The following STXBP3 variants were observed in gnomAD, a reference collection of about 807,000 sequenced individuals.
STXBP3 encodes syntaxin-binding protein 3.
STXBP3 carries 41 observed loss-of-function variants against 85.7 expected under a neutral mutation model. That is an observed-to-expected ratio of 0.48 (90% CI 0.37 to 0.62). The LOEUF (loss-of-function observed/expected upper bound fraction) is 0.62. STXBP3 is among the 20% of genes least tolerant of loss of function. The pLI, the probability that STXBP3 is intolerant of heterozygous loss-of-function variation, is 0.00. For synonymous variants in STXBP3, 229 were observed against 231.7 expected (o/e 0.99, Z 0.10); for missense variants, 563 against 703.1 (o/e 0.80, Z 2.25).
intron 1 of STXBP3, 109 bp downstream of exon 1, chr1:108,746,895 C>G (rs1298411377): frequency 2.1e-5 from 24 of 1,139,780 alleles, no homozygotes; most frequent in Non-Finnish European, 1.0e-5. Context: ...GCCGCGAGCA[C>G]TTGTTGCTTT....
chr1:108,787,495 A>G (rs572369669), intron 11 of STXBP3, among the ~76,000 whole-genome samples: 2 of 152,172 alleles, frequency 1.3e-5, no homozygotes, highest in Admixed American at 1.3e-4. Context: ...ACAAAACAGA[A>G]CAACAACAAC....
At chr1:108,793,413 G>A (rs888792284) in intron 11 of STXBP3, among the ~76,000 whole-genome samples, 169 bp from the exon 12 acceptor site, 10 of 151,802 alleles carry the variant, frequency 6.6e-5, no homozygotes, top group African/African-American at 1.7e-4. Flanking sequence ...TATCAGCTAC[G>A]TTATTGTGAG....
Position 108,753,147 on chromosome 1 carries a change from A to G in STXBP3, c.181+3A>G. 1 of 1,571,194 alleles carries G rather than the reference A, an allele frequency of 6.4e-7. No homozygotes were observed. The highest frequency in any genetic ancestry group is 8.6e-7 in the Non-Finnish European group (1 of 1,161,290). ...TCTTCTAGAAGAAGGTATTACTGGT[A>G]AGTGTTATTCTTGGCATGAACACTT... On this transcript the variant is annotated splice_donor_region_variant and intron_variant, in intron 3 of 18. Coordinates refer to ENST00000370008, the MANE Select transcript of STXBP3 (RefSeq NM_007269.4).
chr1:108,771,460 A>G lies in STXBP3; in HGVS notation c.439-1205A>G, dbSNP rs1410719647. ...TATATATCTATATATATCATATATA[A>G]ATATATATGATATATATCTATATAT... is the stretch of plus-strand genomic sequence containing the variant. On this transcript the variant is annotated intron_variant, in intron 6 of 18. Transcript: ENST00000370008. 1.1e-4 allele frequency among the ~76,000 whole-genome samples: 9 copies of G among 79,450 alleles called. 1 individual carries two copies. Among genetic ancestry groups the G allele is most frequent in the African/African-American group, 4.1e-4 (8 of 19,672 alleles). 52.1% of individuals were successfully genotyped at this position (79,450 alleles called of 152,430 possible). A position where few individuals can be genotyped will look rare whatever the true frequency, so the allele number is the denominator to read the frequency against.
At chr1:108,791,334 G>A (rs922825034) in intron 11 of STXBP3, among the ~76,000 whole-genome samples, 15 of 152,214 alleles carry the variant, frequency 9.9e-5, no homozygotes, top group African/African-American at 3.6e-4. Context: ...TGGTTTGCTT[G>A]CTATTTATCC....
rs774995102 is a variant in STXBP3, at chr1:108,772,806, G to A, written c.580G>A (p.Val194Ile). The A allele has an allele frequency of 2.6e-5, 41 of 1,595,690 alleles. No homozygotes were observed. The highest frequency in any genetic ancestry group is 1.7e-4 in the Middle Eastern group (1 of 6,004). Residue 194 changes from valine (V) to isoleucine (I), a missense_variant, in exon 7 of 19, where the codon GTA (valine) becomes ATA (isoleucine). By Grantham distance (29) the Val-to-Ile change is conservative. Transcript: ENST00000370008. Reference protein sequence around the residue: ...VCATLDENPGVRYKSKPLDNA... With the variant: ...VCATLDENPGIRYKSKPLDNA... ...TGCCACCTTGGATGAAAATCCCGGA[G>A]TAAGATATAAAAGGTAAGACACTGA... is the stretch of plus-strand genomic sequence containing the variant.
At chr1:108,797,565 G>A (rs942731054) in intron 15 of STXBP3, among the ~76,000 whole-genome samples, 2 of 150,506 alleles carry the variant, frequency 1.3e-5, no homozygotes, top group African/African-American at 4.9e-5. Flanking sequence ...CCTGCCATCC[G>A]CCCAGCTAAT....
chr1:108,773,441 T>C (rs184024498), intron 7 of STXBP3, among the ~76,000 whole-genome samples: 1 of 152,322 alleles, frequency 6.6e-6, no homozygotes, highest in African/African-American at 2.4e-5. Flanking sequence ...TTATGTAATG[T>C]CACCAAACTT....
At position 108,752,221 on chromosome 1, in the gene STXBP3, T is replaced by C. The variant is rs374082889; in HGVS notation, c.50-36T>C. 85 of 1,587,628 alleles carry C rather than the reference T, an allele frequency of 5.4e-5. No homozygotes were observed. The African/African-American group carries it at 9.6e-4, about 18-fold the overall frequency. On this transcript the variant is annotated intron_variant, in intron 1 of 18. Coordinates refer to ENST00000370008, the MANE Select transcript of STXBP3 (RefSeq NM_007269.4). ...CTTTGGATTACTATGTTTCTGTTTA[T>C]TTAATTCCTAAGTAATTCCTTTCTT...
At chr1:108,773,667 TAC>T (rs1374669165) in intron 7 of STXBP3, among the ~76,000 whole-genome samples, 1 of 151,948 alleles carries the variant, frequency 6.6e-6, no homozygotes, top group African/African-American at 2.4e-5. Context: ...CAGGGCACAC[TAC>T]ACACACATCC....
chr1:108,781,325 T>C (rs1299653722), intron 9 of STXBP3: 1 of 152,182 alleles, frequency 6.6e-6, no homozygotes, highest in Non-Finnish European at 1.5e-5. Context: ...TTATTTGTAG[T>C]TCAGAGCTAG....
At chr1:108,768,260 CAGGTTTTGTT>C (rs1264140674) in intron 6 of STXBP3, among the ~76,000 whole-genome samples, 1 of 151,858 alleles carries the variant, frequency 6.6e-6, no homozygotes, top group Non-Finnish European at 1.5e-5. Flanking sequence ...ATTTAGGAGC[CAGGTTTTGTT>C]AGGTTTTGTT....
chr1:108,795,952 G>GC (rs34300014), intron 13 of STXBP3, among the ~76,000 whole-genome samples: 44,850 of 151,958 alleles, frequency 0.3, 7,602 homozygotes, highest in East Asian at 0.77. Flanking sequence ...TGCAACCTCT[G>GC]CCCACCGGGT....
chr1:108,799,563 T>A (rs1022990754), intron 16 of STXBP3, among the ~76,000 whole-genome samples: 2 of 152,170 alleles, frequency 1.3e-5, no homozygotes, highest in African/African-American at 4.8e-5. Context: ...CTGAGTACTT[T>A]GTGCCCAATC....
intron 18 of STXBP3, 27 bp downstream of exon 18, chr1:108,807,576 G>GTTTTTTTTTTTT: frequency 8.8e-7 from 1 of 1,130,354 alleles, no homozygotes. Flanking sequence ...CTTCTTTTCT[G>GTTTTTTTTTTTT]TTTTTTTTTT....
intron 18 of STXBP3, among the ~76,000 whole-genome samples, 197 bp downstream of exon 18, chr1:108,807,746 T>C (rs184904583): frequency 5.3e-5 from 8 of 152,154 alleles, no homozygotes; most frequent in Non-Finnish European, 1.0e-4. Context: ...CTGGCTAATT[T>C]TTGTATTTTT....
intron 1 of STXBP3, among the ~76,000 whole-genome samples, chr1:108,747,992 C>T (rs1661828963): frequency 6.6e-6 from 1 of 152,150 alleles, no homozygotes; most frequent in Non-Finnish European, 1.5e-5. Flanking sequence ...TTAACATCCG[C>T]ATGTATGTAT....
At chr1:108,787,170 C>T (rs556664312) in intron 11 of STXBP3, among the ~76,000 whole-genome samples, 23 of 152,046 alleles carry the variant, frequency 1.5e-4, no homozygotes, top group African/African-American at 4.8e-4. Flanking sequence ...TTTAAGAGAT[C>T]GGAACTCTGT....
chr1:108,794,787 A>G (rs1663056826), intron 12 of STXBP3, 40 bp from the exon 13 acceptor site: 9 of 1,575,520 alleles, frequency 5.7e-6, no homozygotes, highest in Non-Finnish European at 7.8e-6. Flanking sequence ...CACAAAAGTC[A>G]TTAAAATCCT....
Sources: gnomAD v4.1 joint callset for allele counts (sites outside exome capture counted in the v4.1 genomes callset) on GRCh38, gnomAD v4.1.1 for gene constraint, MANE v1.5 for transcripts, NCBI Gene and HGNC (gene_info 2026-07-23, HGNC 2026-07-21) for gene names.